Variants in KLHL29 observed in about 807,000 individuals in gnomAD.
KLHL29 encodes the protein kelch like family member 29, also known as kelch-like protein 29.
In KLHL29, 21 loss-of-function variants were observed where a neutral mutation model predicts 80.4. That is an observed-to-expected ratio of 0.26 (90% CI 0.19 to 0.38). The LOEUF is 0.38. Among genes scored for constraint, KLHL29 ranks in the 10% least tolerant of loss-of-function variants. The pLI, the probability that KLHL29 is intolerant of heterozygous loss-of-function variation, is 1.00. For synonymous variants in KLHL29, 511 were observed against 526.8 expected (o/e 0.97, Z 0.41); for missense variants, 867 against 1,223.9 (o/e 0.71, Z 4.35).
chr2:23,706,756 C>A lies in KLHL29; in HGVS notation c.*92C>A. The A allele has an allele frequency of 1.2e-6, 1 of 842,730 alleles. No individual in the cohort carries two copies. The highest frequency in any genetic ancestry group is 1.7e-6 in the Non-Finnish European group (1 of 572,790). 52.2% of individuals were successfully genotyped at this position (842,730 alleles called of 1,614,324 possible). Reference sequence around the variant, plus strand: ...TTTTCCAGCGACACCAACAAGAGGCCAACAAAACACAATCAAGGAACTCAC... The same window carrying A: ...TTTTCCAGCGACACCAACAAGAGGCAAACAAAACACAATCAAGGAACTCAC... On this transcript the variant is annotated 3_prime_UTR_variant, in exon 14 of 14. Coordinates refer to ENST00000486442, the MANE Select transcript of KLHL29 (RefSeq NM_052920.2).
chr2:23,582,093 GCTC>G (rs1271498989), intron 3 of KLHL29, among the ~76,000 whole-genome samples: 1 of 152,162 alleles, frequency 6.6e-6, no homozygotes, highest in African/African-American at 2.4e-5. Context: ...GGGCAAAACA[GCTC>G]CTATCAGCCT....
chr2:23,542,219 C>T (rs1424449039), intron 2 of KLHL29, among the ~76,000 whole-genome samples: 1 of 152,230 alleles, frequency 6.6e-6, no homozygotes, highest in Admixed American at 6.5e-5. Flanking sequence ...TTCCCTTCCT[C>T]TCTTCAATTG....
At position 23,707,189 on chromosome 2, in the gene KLHL29, C is replaced by T. The variant is rs576077256; in HGVS notation, c.*525C>T. 1.3e-5 allele frequency: 2 copies of T among 152,388 alleles called. No homozygotes were observed. Among genetic ancestry groups the T allele is most frequent in the South Asian group, 2.1e-4 (1 of 4,826 alleles). The allele number at this position is 152,388 out of a possible 1,614,324, so 9.4% of individuals were successfully genotyped here. A position where few individuals can be genotyped will look rare whatever the true frequency, so the allele number is the denominator to read the frequency against. On this transcript the variant is annotated 3_prime_UTR_variant, in exon 14 of 14. Transcript: ENST00000486442. Reference sequence around the variant, plus strand: ...TCACAAGGCCTAGGAGGCTGCTGGTCCCCACTGGGGCTGAAGAGAAGCCCA... The same window carrying T: ...TCACAAGGCCTAGGAGGCTGCTGGTTCCCACTGGGGCTGAAGAGAAGCCCA...
chr2:23,640,248 C>A (rs115418295), intron 4 of KLHL29, among the ~76,000 whole-genome samples: 1 of 152,178 alleles, frequency 6.6e-6, no homozygotes, highest in Non-Finnish European at 1.5e-5. Context: ...AATTATGTTC[C>A]CTGCAGACCT....
chr2:23,505,438 G>T lies in KLHL29; in HGVS notation c.-46+29771G>T, dbSNP rs534778670. Reference sequence around the variant, plus strand: ...CACCGCTCCTTCCCTTCCTGCAGGGGCATCATGGCTGCAGGTGTGCCGCTT... The same window carrying T: ...CACCGCTCCTTCCCTTCCTGCAGGGTCATCATGGCTGCAGGTGTGCCGCTT... On this transcript the variant is annotated intron_variant, in intron 2 of 13. Coordinates refer to ENST00000486442, the MANE Select transcript of KLHL29 (RefSeq NM_052920.2). 6.6e-5 allele frequency among the ~76,000 whole-genome samples: 10 copies of T among 152,330 alleles called. No individual in the cohort carries two copies. In the South Asian group the frequency reaches 1.0e-3, roughly 16 times the overall value.
At chr2:23,463,768 G>A (rs1027081080) in intron 1 of KLHL29, among the ~76,000 whole-genome samples, 1 of 152,134 alleles carries the variant, frequency 6.6e-6, no homozygotes, top group Non-Finnish European at 1.5e-5. Context: ...AATGAGCATA[G>A]AGTCATTTGG....
At chr2:23,555,933 T>G (rs1271464447) in intron 2 of KLHL29, among the ~76,000 whole-genome samples, 3 of 152,204 alleles carry the variant, frequency 2.0e-5, no homozygotes, top group Non-Finnish European at 4.4e-5. Flanking sequence ...GACCTTGTCC[T>G]AAGGTTTGGG....
intron 2 of KLHL29, among the ~76,000 whole-genome samples, chr2:23,520,197 T>C (rs1666049439): frequency 6.6e-6 from 1 of 152,058 alleles, no homozygotes; most frequent in South Asian, 2.1e-4. Flanking sequence ...CTCTGCTAAA[T>C]AGAAAGCAGC....
intron 3 of KLHL29, among the ~76,000 whole-genome samples, chr2:23,604,969 G>C (rs1479030823): frequency 6.6e-6 from 1 of 152,186 alleles, no homozygotes; most frequent in East Asian, 1.9e-4. Flanking sequence ...AAGGGCTGTT[G>C]GGAGGGTCCG....
At position 23,387,180 on chromosome 2, in the gene KLHL29, C is replaced by G. The variant is rs557422629; in HGVS notation, c.-154+1400C>G. ...GGCGAGACCTCGGCGCTGGAGGGAC[C>G]AGACCGTGGAGGACGCCGAGCTGCT... On this transcript the variant is annotated intron_variant, in intron 1 of 13. Transcript: ENST00000486442. Among the ~76,000 whole-genome samples the G allele has an allele frequency of 4.0e-4, 61 of 152,308 alleles. No homozygotes were observed. In the Middle Eastern group the frequency reaches 0.017, roughly 42 times the overall value.
chr2:23,488,466 C>A (rs979522319), intron 2 of KLHL29, among the ~76,000 whole-genome samples: 1 of 152,210 alleles, frequency 6.6e-6, no homozygotes, highest in African/African-American at 2.4e-5. Flanking sequence ...GAACTGGCTA[C>A]AATTCCCCAT....
chr2:23,510,400 C>T (rs1455366832), intron 2 of KLHL29, among the ~76,000 whole-genome samples: 1 of 152,156 alleles, frequency 6.6e-6, no homozygotes, highest in African/African-American at 2.4e-5. Flanking sequence ...CAGTTGTGAG[C>T]ACCTGACCCT....
At chr2:23,515,188 G>GT (rs1665885446) in intron 2 of KLHL29, among the ~76,000 whole-genome samples, 1 of 152,080 alleles carries the variant, frequency 6.6e-6, no homozygotes, top group Non-Finnish European at 1.5e-5. Flanking sequence ...GCCCAAGGGA[G>GT]GGTCCTTATT....
intron 3 of KLHL29, among the ~76,000 whole-genome samples, chr2:23,568,956 A>G (rs1667652637): frequency 6.6e-6 from 1 of 152,220 alleles, no homozygotes. Flanking sequence ...GAGGTTTAAA[A>G]GAAGACACCC....
In KLHL29 at chr2:23,703,879, G is replaced by A. The variant is rs775788027; in HGVS notation, c.2444+16G>A. 1.2e-5 allele frequency: 18 copies of A among 1,532,560 alleles called. No individual in the cohort carries two copies. Among genetic ancestry groups the A allele is most frequent in the African/African-American group, 5.5e-5 (4 of 72,956 alleles). 94.9% of individuals were successfully genotyped at this position (1,532,560 alleles called of 1,614,324 possible). A position where few individuals can be genotyped will look rare whatever the true frequency, so the allele number is the denominator to read the frequency against. On this transcript the variant is annotated intron_variant, in intron 13 of 13. Coordinates refer to ENST00000486442, the MANE Select transcript of KLHL29 (RefSeq NM_052920.2). ...AGTTCTGCAGGTGAGAGGCTGCGGC[G>A]CCTTGACTAGGGCTGGGACGGAGGA...
At chr2:23,455,006 G>GT (rs1006561476) in intron 1 of KLHL29, among the ~76,000 whole-genome samples, 1 of 137,950 alleles carries the variant, frequency 7.2e-6, no homozygotes, top group Non-Finnish European at 1.5e-5. Context: ...TGGGTTGGGG[G>GT]GGGGGCATTT....
intron 1 of KLHL29, among the ~76,000 whole-genome samples, chr2:23,443,564 C>A (rs1413612409): frequency 2.0e-5 from 3 of 152,188 alleles, no homozygotes; most frequent in African/African-American, 7.2e-5. Context: ...CCACATAGTA[C>A]ATTTGCCCAG....
intron 2 of KLHL29, among the ~76,000 whole-genome samples, chr2:23,498,108 AT>A (rs1308807001): frequency 2.0e-5 from 3 of 152,184 alleles, no homozygotes; most frequent in African/African-American, 7.2e-5. Flanking sequence ...AAGCACCAAA[AT>A]CTACTCTTAG....
chr2:23,609,332 C>G (rs940017068), intron 3 of KLHL29, among the ~76,000 whole-genome samples: 4 of 152,054 alleles, frequency 2.6e-5, no homozygotes, highest in African/African-American at 9.7e-5. Context: ...AGAGAGAATT[C>G]CCTGGAGACG....
Sources: allele counts gnomAD v4.1 joint callset (sites outside exome capture counted in the v4.1 genomes callset), GRCh38; gene constraint gnomAD v4.1.1; transcripts MANE v1.5; gene names NCBI Gene and HGNC (gene_info 2026-07-23, HGNC 2026-07-21).